The following B3GNT3 variants were observed in gnomAD, a reference collection of about 807,000 sequenced individuals.
B3GNT3 encodes N-acetyllactosaminide beta-1,3-N-acetylglucosaminyltransferase 3.
Under a neutral mutation model 11.6 loss-of-function variants are expected in B3GNT3, and 7 were observed. The observed-to-expected ratio is 0.60, with a 90% CI of 0.34 to 1.13. B3GNT3 has a LOEUF of 1.13. Among genes scored for constraint, B3GNT3 ranks in the 50% most tolerant of loss-of-function variants. B3GNT3 has a pLI of 0.03. For missense variants in B3GNT3, 400 were observed against 507.4 expected (o/e 0.79, Z 2.03); for synonymous variants, 201 against 222.1 (o/e 0.90, Z 0.85).
chr19:17,802,294 A>G (rs1348084691), intron 1 of B3GNT3, among the ~76,000 whole-genome samples: 1 of 152,118 alleles, frequency 6.6e-6, no homozygotes, highest in Non-Finnish European at 1.5e-5. Context: ...CGTGTGCGGC[A>G]GGGGACTGTG....
intron 1 of B3GNT3, among the ~76,000 whole-genome samples, chr19:17,795,888 G>C (rs905305483): frequency 6.6e-6 from 1 of 152,176 alleles, no homozygotes; most frequent in Non-Finnish European, 1.5e-5. Context: ...TTCCCTGTGT[G>C]TTAAGGGGGG....
chr19:17,803,166 T>G (rs1346627681), intron 1 of B3GNT3, among the ~76,000 whole-genome samples: 1 of 152,078 alleles, frequency 6.6e-6, no homozygotes, highest in Non-Finnish European at 1.5e-5. Context: ...CCACCACACC[T>G]GGCTAATTTT....
In B3GNT3 at chr19:17,811,083, A is replaced by G. The variant is rs992077601; in HGVS notation, c.568-488A>G. On this transcript the variant is annotated intron_variant, in intron 2 of 2. Coordinates refer to ENST00000318683, the MANE Select transcript of B3GNT3 (RefSeq NM_014256.4). This position sits in a 1 kb window ranked among gnomAD's most constrained non-coding sequence, Gnocchi z 4.1. ...TTATTAGCCAGGAGTAAGTAGCGGC[A>G]TGTGTCTGTAGTACCAGCTACTTGG... is the stretch of plus-strand genomic sequence containing the variant. 4.0e-5 allele frequency among the ~76,000 whole-genome samples: 6 copies of G among 150,386 alleles called. No individual in the cohort carries two copies. Among genetic ancestry groups the G allele is most frequent in the African/African-American group, 1.5e-4 (6 of 40,884 alleles).
intron 1 of B3GNT3, 157 bp from the exon 2 acceptor site, chr19:17,807,599 GCT>G: frequency 1.9e-6 from 1 of 532,550 alleles, no homozygotes. Context: ...GGGTTGGAGT[GCT>G]TTGAAATGGG....
chr19:17,800,533 C>T (rs1463431714), intron 1 of B3GNT3, among the ~76,000 whole-genome samples: 1 of 152,144 alleles, frequency 6.6e-6, no homozygotes, highest in Non-Finnish European at 1.5e-5. Flanking sequence ...GCTGAGCAGA[C>T]AACCCTTCTG....
intron 1 of B3GNT3, among the ~76,000 whole-genome samples, chr19:17,796,258 T>A (rs1298677425): frequency 6.6e-6 from 1 of 152,242 alleles, no homozygotes; most frequent in African/African-American, 2.4e-5. Flanking sequence ...CAGCTAATTT[T>A]AAAATTTTTT....
At position 17,807,805 on chromosome 19, in the gene B3GNT3, A is replaced by G. The variant is rs2094175087; in HGVS notation, c.-3A>G. Reference sequence around the variant, plus strand: ...GGCCGACCCCAGACCCTGGCTGGCCAGGATGAAGTATCTCCGGCACCGGCG... The same window carrying G: ...GGCCGACCCCAGACCCTGGCTGGCCGGGATGAAGTATCTCCGGCACCGGCG... On this transcript the variant is annotated 5_prime_UTR_variant, in exon 2 of 3. Coordinates refer to ENST00000318683, the MANE Select transcript of B3GNT3 (RefSeq NM_014256.4). The G allele has an allele frequency of 1.2e-6, 2 of 1,602,664 alleles. No homozygotes were observed. Among genetic ancestry groups the G allele is most frequent in the Admixed American group, 3.4e-5 (2 of 59,644 alleles).
chr19:17,808,116 C>T lies in B3GNT3; in HGVS notation c.309C>T (p.Cys103=), dbSNP rs1454866312. Residue 103 remains cysteine, a synonymous_variant, in exon 2 of 3, where the codon TGC becomes TGT. Coordinates refer to ENST00000318683, the MANE Select transcript of B3GNT3 (RefSeq NM_014256.4). ...PLLQDVPPSK[C]AQPVFLLLVI... is the part of the protein sequence containing the mutation. Reference sequence around the variant, plus strand: ...TGCAGGACGTGCCCCCCTCTAAGTGCGCGCAGCCGGTCTTCCTGCTGCTGG... The same window carrying T: ...TGCAGGACGTGCCCCCCTCTAAGTGTGCGCAGCCGGTCTTCCTGCTGCTGG... 9 of 1,613,696 alleles carry T rather than the reference C, an allele frequency of 5.6e-6. No individual in the cohort carries two copies. The highest frequency in any genetic ancestry group is 1.1e-5 in the South Asian group (1 of 91,064).
chr19:17,811,694 C>T lies in B3GNT3; in HGVS notation c.691C>T (p.Arg231Cys), dbSNP rs139357124. ...VFYLQDHDPG[R>C]HLFVGQLIQN... ...CTACCTGCAGGACCATGACCCTGGC[C>T]GCCACCTCTTCGTGGGGCAACTGAT... The change falls in exon 3 of 3, where the codon CGC becomes TGC. Residue 231 changes from arginine (R) to cysteine (C), a missense_variant. Coordinates refer to ENST00000318683, the MANE Select transcript of B3GNT3 (RefSeq NM_014256.4). This position sits in a 1 kb window ranked among gnomAD's most constrained non-coding sequence, Gnocchi z 4.1. 8 of 1,614,236 alleles carry T rather than the reference C, an allele frequency of 5.0e-6. No homozygotes were observed. The African/African-American group carries it at 6.7e-5, about 13-fold the overall frequency.
chr19:17,809,453 ATT>A (rs58212084), intron 2 of B3GNT3, among the ~76,000 whole-genome samples: 1 of 145,734 alleles, frequency 6.9e-6, no homozygotes, highest in Non-Finnish European at 1.5e-5. Context: ...TTTTTAATTA[ATT>A]TTTTTTTTTT....
At chr19:17,804,402 G>A (rs903163934) in intron 1 of B3GNT3, among the ~76,000 whole-genome samples, 34 of 148,500 alleles carry the variant, frequency 2.3e-4, no homozygotes, top group Non-Finnish European at 4.5e-4. Context: ...ACCACACCCG[G>A]GTAATTTTTG....
At chr19:17,805,878 G>A (rs998517079) in intron 1 of B3GNT3, among the ~76,000 whole-genome samples, 1 of 152,018 alleles carries the variant, frequency 6.6e-6, no homozygotes, top group Non-Finnish European at 1.5e-5. Flanking sequence ...GCTCACTGCA[G>A]CCTTGAACTC....
rs142889952 is a variant in B3GNT3, at chr19:17,808,169, T to C, written c.362T>C (p.Val121Ala). The C allele has an allele frequency of 2.0e-5, 32 of 1,611,320 alleles. No homozygotes were observed. In the African/African-American group the frequency reaches 3.1e-4, roughly 15 times the overall value. ...LVIKSSPSNY[V>A]RRELLRRTWG... ...ATCAAGTCCTCCCCTAGCAACTATGTGCGCCGCGAGCTGCTGCGGCGCACG... is the reference window on the plus strand; with the variant it reads ...ATCAAGTCCTCCCCTAGCAACTATGCGCGCCGCGAGCTGCTGCGGCGCACG... Residue 121 changes from valine to alanine, a missense_variant, in exon 2 of 3, where the codon GTG becomes GCG. Val to Ala is a moderately conservative substitution (Grantham distance 64). Transcript: ENST00000318683.
At chr19:17,801,227 C>T (rs1213232045) in intron 1 of B3GNT3, among the ~76,000 whole-genome samples, 1 of 152,062 alleles carries the variant, frequency 6.6e-6, no homozygotes, top group Non-Finnish European at 1.5e-5. Context: ...GGGTCTTGCT[C>T]TGTTCCCCAG....
At chr19:17,798,944 G>T (rs2094162552) in intron 1 of B3GNT3, among the ~76,000 whole-genome samples, 1 of 152,158 alleles carries the variant, frequency 6.6e-6, no homozygotes, top group African/African-American at 2.4e-5. Flanking sequence ...CACCACTCCA[G>T]CCTGGGTGAC....
intron 2 of B3GNT3, among the ~76,000 whole-genome samples, chr19:17,808,975 T>G (rs987311021): frequency 2.6e-5 from 4 of 152,156 alleles, no homozygotes; most frequent in Non-Finnish European, 5.9e-5. Context: ...TAGCTGGGAT[T>G]ACAGGCACTC....
At chr19:17,803,275 G>T (rs1320126006) in intron 1 of B3GNT3, among the ~76,000 whole-genome samples, 1 of 152,110 alleles carries the variant, frequency 6.6e-6, no homozygotes, top group Non-Finnish European at 1.5e-5. Context: ...CAAAGTACCG[G>T]GATTACAGAC....
In B3GNT3 at chr19:17,807,899, C is replaced by T. The variant is rs1186194159; in HGVS notation, c.92C>T (p.Pro31Leu). ...TLLLFSLLVSPPTCKVQEQPP... is the reference protein window; with the variant it reads ...TLLLFSLLVSLPTCKVQEQPP... Reference sequence around the variant, plus strand: ...CTCCTCTTCAGTCTGCTAGTGTCACCACCCACCTGCAAGGTCCAGGAGCAG... The same window carrying T: ...CTCCTCTTCAGTCTGCTAGTGTCACTACCCACCTGCAAGGTCCAGGAGCAG... The change falls in exon 2 of 3, where the codon CCA (proline) becomes CTA (leucine). Residue 31 changes from proline to leucine, a missense_variant. Physicochemically the swap from Pro to Leu is moderately conservative, Grantham distance 98. Transcript: ENST00000318683. The T allele has an allele frequency of 3.7e-6, 6 of 1,613,484 alleles. No individual in the cohort carries two copies. The East Asian group carries it at 1.3e-4, about 36-fold the overall frequency.
At chr19:17,799,391 C>G (rs1173067608) in intron 1 of B3GNT3, among the ~76,000 whole-genome samples, 2 of 151,406 alleles carry the variant, frequency 1.3e-5, no homozygotes, top group African/African-American at 4.9e-5. Context: ...GCCTCAGGCT[C>G]CTGAGTAGCT....
Sources: allele counts gnomAD v4.1 joint callset (sites outside exome capture counted in the v4.1 genomes callset), GRCh38; gene constraint gnomAD v4.1.1; non-coding constraint Gnocchi (gnomAD v3.1); transcripts MANE v1.5; gene names NCBI Gene and HGNC (gene_info 2026-07-23, HGNC 2026-07-21).